Variants in SRGAP2C observed in about 807,000 individuals in gnomAD.
SRGAP2C encodes the protein SLIT-ROBO Rho GTPase activating protein 2C.
SRGAP2C carries 15 observed loss-of-function variants against 25.1 expected under a neutral mutation model. The observed-to-expected ratio is 0.60, with a 90% CI of 0.40 to 0.92. The LOEUF (loss-of-function observed/expected upper bound fraction) is 0.92. Ranked by LOEUF, SRGAP2C falls within the 40% of genes least tolerant of loss-of-function variation. SRGAP2C has a pLI of 0.00. For synonymous variants in SRGAP2C, 44 were observed against 96.6 expected (o/e 0.46, Z 3.19); for missense variants, 144 against 264.4 (o/e 0.54, Z 3.16).
chr1:121,335,883 A>T (rs1386656622), intron 4 of SRGAP2C, among the ~76,000 whole-genome samples: 1 of 152,028 alleles, frequency 6.6e-6, no homozygotes, highest in Non-Finnish European at 1.5e-5. Context: ...ATAATATGTC[A>T]TAGAAACTCT....
intron 2 of SRGAP2C, among the ~76,000 whole-genome samples, chr1:121,267,477 C>T (rs1553334534): frequency 6.8e-6 from 1 of 147,818 alleles, no homozygotes; most frequent in African/African-American, 2.5e-5. Context: ...CAGGTGTGAG[C>T]CACCACACCT....
chr1:121,315,437 C>A (rs1553340518), intron 3 of SRGAP2C, among the ~76,000 whole-genome samples: 2 of 148,304 alleles, frequency 1.3e-5, no homozygotes, highest in Admixed American at 6.8e-5. Flanking sequence ...TAGTTCAAGG[C>A]GCTTTCCACA....
chr1:121,186,380 T>G (rs587637904), intron 1 of SRGAP2C, among the ~76,000 whole-genome samples: 4 of 92,726 alleles, frequency 4.3e-5, no homozygotes, highest in Admixed American at 1.1e-4. Context: ...CCTGCAGATT[T>G]GCCCCCCCCA....
chr1:121,258,499 C>T (rs1429863149), intron 2 of SRGAP2C, among the ~76,000 whole-genome samples: 1 of 147,228 alleles, frequency 6.8e-6, no homozygotes, highest in South Asian at 2.1e-4. Context: ...GAGTTTTGCT[C>T]CTGTTGCCCA....
intron 3 of SRGAP2C, among the ~76,000 whole-genome samples, chr1:121,308,983 T>C (rs1207996728): frequency 1.6e-5 from 2 of 124,728 alleles, no homozygotes; most frequent in African/African-American, 3.0e-5. Flanking sequence ...AGTATACTAA[T>C]GAAGTAGGGA....
chr1:121,221,874 G>T (rs587656328), intron 2 of SRGAP2C, among the ~76,000 whole-genome samples: 2 of 151,862 alleles, frequency 1.3e-5, no homozygotes, highest in Admixed American at 6.6e-5. Context: ...ACTATAGAAT[G>T]GTTCTCCAGT....
At chr1:121,195,170 A>G (rs1245680550) in intron 2 of SRGAP2C, among the ~76,000 whole-genome samples, 1 of 152,094 alleles carries the variant, frequency 6.6e-6, no homozygotes. Flanking sequence ...CAGCACTTTG[A>G]GAGGCCAAGG....
chr1:121,361,281 G>A (rs1553348510), intron 4 of SRGAP2C: 3 of 92,268 alleles, frequency 3.3e-5, no homozygotes, highest in South Asian at 3.1e-4. Flanking sequence ...CATAATTGGT[G>A]TTCTTTGGGA....
intron 2 of SRGAP2C, among the ~76,000 whole-genome samples, chr1:121,258,593 G>A (rs1553332919): frequency 6.6e-6 from 1 of 151,080 alleles, no homozygotes; most frequent in African/African-American, 2.4e-5. Context: ...AGCCTCCTGA[G>A]TAGCTGGGAT....
chr1:121,287,982 G>A (rs1209839344), intron 3 of SRGAP2C, among the ~76,000 whole-genome samples: 1 of 150,084 alleles, frequency 6.7e-6, no homozygotes, highest in Non-Finnish European at 1.5e-5. Flanking sequence ...CAAAAAGTGA[G>A]CACTAGCAAG....
In SRGAP2C at chr1:121,315,045, A is replaced by C. The variant is rs1658065035; in HGVS notation, c.261-9433A>C. 5 of 970,776 alleles carry C rather than the reference A, an allele frequency of 5.2e-6. No individual in the cohort carries two copies. In the South Asian group the frequency reaches 6.7e-5, roughly 13 times the overall value. The allele number at this position is 970,776 out of a possible 1,614,324, so 60.1% of individuals were successfully genotyped here. A position where few individuals can be genotyped will look rare whatever the true frequency, so the allele number is the denominator to read the frequency against. On this transcript the variant is annotated intron_variant, in intron 3 of 9. Coordinates refer to ENST00000367123, the MANE Select transcript of SRGAP2C (RefSeq NM_001329984.2). Reference sequence around the variant, plus strand: ...CTTCAGCTTCTTCAAGGTATCACTGAGATTATCCATGTTGCTCCCCGAGGG... The same window carrying C: ...CTTCAGCTTCTTCAAGGTATCACTGCGATTATCCATGTTGCTCCCCGAGGG...
At chr1:121,267,675 T>C (rs1656832012) in intron 2 of SRGAP2C, among the ~76,000 whole-genome samples, 1 of 123,160 alleles carries the variant, frequency 8.1e-6, no homozygotes, top group Non-Finnish European at 1.7e-5. Context: ...TTAAAACTTT[T>C]GTTCCAGTAA....
chr1:121,345,649 C>CTT (rs782110661), intron 4 of SRGAP2C, among the ~76,000 whole-genome samples: 45,617 of 95,446 alleles, frequency 0.48, 12,775 homozygotes, highest in East Asian at 0.69. Context: ...GGTTGCTCTT[C>CTT]TTTTTTTTTT....
At chr1:121,304,951 G>T (rs1324952808) in intron 3 of SRGAP2C, among the ~76,000 whole-genome samples, 1 of 152,198 alleles carries the variant, frequency 6.6e-6, no homozygotes, top group Non-Finnish European at 1.5e-5. Flanking sequence ...AGATGGCGCA[G>T]ATTCAGGAGA....
At chr1:121,377,928 C>T (rs1288504160) in intron 7 of SRGAP2C, among the ~76,000 whole-genome samples, 3 of 151,918 alleles carry the variant, frequency 2.0e-5, no homozygotes, top group Non-Finnish European at 4.4e-5. Flanking sequence ...TATGTACACA[C>T]TTGTACATCC....
chr1:121,285,791 T>A (rs1657350892), intron 3 of SRGAP2C, among the ~76,000 whole-genome samples: 1 of 147,320 alleles, frequency 6.8e-6, no homozygotes, highest in Non-Finnish European at 1.5e-5. Context: ...TCCAGACCAA[T>A]TAAATGAGAA....
At chr1:121,226,103 A>G (rs1441815566) in intron 2 of SRGAP2C, among the ~76,000 whole-genome samples, 23 of 151,824 alleles carry the variant, frequency 1.5e-4, no homozygotes, top group Non-Finnish European at 3.4e-4. Flanking sequence ...TATGAAAGGG[A>G]TCGGGTCTGT....
intron 4 of SRGAP2C, among the ~76,000 whole-genome samples, chr1:121,354,259 CTCCTTT>C (rs1658993566): frequency 3.9e-5 from 1 of 25,500 alleles, no homozygotes; most frequent in African/African-American, 1.7e-4. Flanking sequence ...TTCTTTCTCT[CTCCTTT>C]CTTTCTTTCT....
intron 4 of SRGAP2C, among the ~76,000 whole-genome samples, chr1:121,335,121 C>G (rs1380343278): frequency 1.3e-5 from 2 of 148,546 alleles, no homozygotes; most frequent in Non-Finnish European, 3.0e-5. Flanking sequence ...GGTGAAACCC[C>G]GTCTCTACTA....
Sources: allele counts gnomAD v4.1 joint callset (sites outside exome capture counted in the v4.1 genomes callset), GRCh38; gene constraint gnomAD v4.1.1; transcripts MANE v1.5; gene names NCBI Gene and HGNC (gene_info 2026-07-23, HGNC 2026-07-21).